The following TMEM132D variants were observed in gnomAD, a reference collection of about 807,000 sequenced individuals.
The protein encoded by TMEM132D is mature OL transmembrane protein.
Under a neutral mutation model 62.3 loss-of-function variants are expected in TMEM132D, and 21 were observed. The ratio of observed to expected loss-of-function variants is 0.34; its 90% CI spans 0.24 to 0.49. TMEM132D has a LOEUF of 0.49. Among genes scored for constraint, TMEM132D ranks in the 20% least tolerant of loss-of-function variants. The pLI is 0.99. For synonymous variants in TMEM132D, 621 were observed against 575.6 expected, an observed-to-expected ratio of 1.08 and a Z score of -1.13; for missense variants, 1,346 against 1,402.8, an observed-to-expected ratio of 0.96 and a Z score of 0.65.
intron 5 of TMEM132D, among the ~76,000 whole-genome samples, chr12:129,141,560 G>A (rs566952910): frequency 3.9e-5 from 6 of 152,252 alleles, no homozygotes; most frequent in East Asian, 1.9e-4. Flanking sequence ...GGAACGAAAC[G>A]TCAGAGCTTA....
intron 3 of TMEM132D, among the ~76,000 whole-genome samples, chr12:129,489,618 C>A (rs1874700483): frequency 6.6e-6 from 1 of 152,062 alleles, no homozygotes; most frequent in Admixed American, 6.6e-5. Flanking sequence ...GTATTTTATT[C>A]CTGAGAGACC....
intron 1 of TMEM132D, among the ~76,000 whole-genome samples, chr12:129,833,985 C>T (rs1872923988): frequency 1.3e-5 from 2 of 152,286 alleles, no homozygotes; most frequent in East Asian, 3.9e-4. Context: ...TTCTGACACC[C>T]AGCCTGGTTG....
At chr12:129,876,113 A>C (rs1874409143) in intron 1 of TMEM132D, among the ~76,000 whole-genome samples, 2 of 152,232 alleles carry the variant, frequency 1.3e-5, no homozygotes, top group Admixed American at 1.3e-4. Context: ...TCCAGAAACA[A>C]GACATATAAA....
intron 4 of TMEM132D, among the ~76,000 whole-genome samples, chr12:129,226,224 A>G (rs1356750818): frequency 6.6e-6 from 1 of 152,200 alleles, no homozygotes; most frequent in Non-Finnish European, 1.5e-5. Flanking sequence ...TGAATGAACT[A>G]TAGGAACATG....
intron 1 of TMEM132D, among the ~76,000 whole-genome samples, chr12:129,891,646 G>A (rs1484530814): frequency 6.6e-6 from 1 of 152,082 alleles, no homozygotes; most frequent in African/African-American, 2.4e-5. Context: ...GCTATCTAAG[G>A]AAGTAACTCA....
In TMEM132D at chr12:129,073,145, T is replaced by C. The variant is rs1874126734; in HGVS notation, c.*730A>G. On this transcript the variant is annotated 3_prime_UTR_variant, in exon 9 of 9. Transcript: ENST00000422113. ...TTCTTTGAACCTGATTCAAATTCTATGCCCAGTATCCTTAGTTTACAAATA... is the reference window on the plus strand; with the variant it reads ...TTCTTTGAACCTGATTCAAATTCTACGCCCAGTATCCTTAGTTTACAAATA... The C allele has an allele frequency of 6.6e-6, 1 of 152,286 alleles. No homozygotes were observed. The highest frequency in any genetic ancestry group is 2.1e-4 in the South Asian group (1 of 4,836). The allele number at this position is 152,286 out of a possible 1,614,324, so 9.4% of individuals were successfully genotyped here.
At chr12:129,152,588 C>T (rs543234635) in intron 5 of TMEM132D, among the ~76,000 whole-genome samples, 2 of 152,154 alleles carry the variant, frequency 1.3e-5, no homozygotes, top group Non-Finnish European at 2.9e-5. Context: ...AATCTCCACC[C>T]GCCCCTGCAG....
chr12:129,514,568 T>C (rs562235489), intron 3 of TMEM132D, among the ~76,000 whole-genome samples: 1 of 152,154 alleles, frequency 6.6e-6, no homozygotes, highest in African/African-American at 2.4e-5. Context: ...ATTGAAATGA[T>C]TTATCTGTGC....
At chr12:129,731,909 G>A (rs1050459304) in intron 1 of TMEM132D, among the ~76,000 whole-genome samples, 3 of 152,164 alleles carry the variant, frequency 2.0e-5, no homozygotes, top group African/African-American at 7.2e-5. Context: ...TGAACCACCT[G>A]CTTCGGCCTC....
chr12:129,871,359 C>T (rs990736509), intron 1 of TMEM132D, among the ~76,000 whole-genome samples: 4 of 151,902 alleles, frequency 2.6e-5, no homozygotes, highest in East Asian at 3.9e-4. Context: ...GAAATCAACA[C>T]AAAATAAAAT....
intron 2 of TMEM132D, among the ~76,000 whole-genome samples, chr12:129,569,828 C>T (rs1188550757): frequency 6.6e-6 from 1 of 152,050 alleles, no homozygotes; most frequent in Non-Finnish European, 1.5e-5. Context: ...TGGCTGCTAC[C>T]GTATAAAAAG....
At chr12:129,515,876 G>A (rs115933039) in intron 3 of TMEM132D, among the ~76,000 whole-genome samples, 1,711 of 152,200 alleles carry the variant, frequency 0.011, 27 homozygotes, top group African/African-American at 0.035. Context: ...GAAGGCTCCC[G>A]TGACATGTAA....
At chr12:129,357,881 G>A (rs928555112) in intron 3 of TMEM132D, among the ~76,000 whole-genome samples, 4 of 152,236 alleles carry the variant, frequency 2.6e-5, no homozygotes, top group African/African-American at 7.2e-5. Flanking sequence ...TCCCATTCCC[G>A]CCTTGACATC....
intron 3 of TMEM132D, among the ~76,000 whole-genome samples, chr12:129,495,624 T>C (rs1874928174): frequency 1.3e-5 from 2 of 152,136 alleles, no homozygotes; most frequent in South Asian, 4.1e-4. Context: ...GTCACGTCCC[T>C]TTCTCCCTGA....
At chr12:129,296,081 C>CATATAT (rs199662761) in intron 4 of TMEM132D, among the ~76,000 whole-genome samples, 1 of 151,304 alleles carries the variant, frequency 6.6e-6, no homozygotes, top group Non-Finnish European at 1.5e-5. Context: ...CACACACACA[C>CATATAT]ACACATATAT....
intron 1 of TMEM132D, among the ~76,000 whole-genome samples, chr12:129,811,824 C>T (rs933440573): frequency 2.0e-5 from 3 of 151,606 alleles, no homozygotes; most frequent in African/African-American, 4.8e-5. Context: ...AGAAAGCCAC[C>T]CCAGCTGATG....
At chr12:129,879,929 A>G (rs1415427645) in intron 1 of TMEM132D, among the ~76,000 whole-genome samples, 1 of 152,138 alleles carries the variant, frequency 6.6e-6, no homozygotes, top group Non-Finnish European at 1.5e-5. Flanking sequence ...AGGAGGGGAG[A>G]GGAAAACAGG....
intron 2 of TMEM132D, among the ~76,000 whole-genome samples, chr12:129,584,506 C>T (rs561772081): frequency 6.6e-6 from 1 of 152,306 alleles, no homozygotes; most frequent in African/African-American, 2.4e-5. Context: ...TGACTTTAGG[C>T]TCAGCCATGT....
chr12:129,170,566 C>T (rs1413088281), intron 5 of TMEM132D, among the ~76,000 whole-genome samples: 1 of 152,116 alleles, frequency 6.6e-6, no homozygotes, highest in Non-Finnish European at 1.5e-5. Context: ...TGGCTCACAC[C>T]TGTAATCCAG....
Sources: allele counts gnomAD v4.1 joint callset (sites outside exome capture counted in the v4.1 genomes callset), GRCh38; gene constraint gnomAD v4.1.1; transcripts MANE v1.5; gene names NCBI Gene and HGNC (gene_info 2026-07-23, HGNC 2026-07-21).